Variants in ANKRD44 observed in about 807,000 individuals in gnomAD.
The protein encoded by ANKRD44 is ankyrin repeat domain 44, also known as serine/threonine-protein phosphatase 6 regulatory ankyrin repeat subunit B.
Under a neutral mutation model 116.0 loss-of-function variants are expected in ANKRD44, and 35 were observed. The observed-to-expected ratio is 0.30, with a 90% confidence interval of 0.23 to 0.40. The LOEUF (loss-of-function observed/expected upper bound fraction) is 0.40. Among genes scored for constraint, ANKRD44 ranks in the 10% least tolerant of loss-of-function variants. The probability of loss-of-function intolerance (pLI) is 1.00; values close to 1 mark genes in which losing one functional copy is unlikely to be tolerated. For missense variants in ANKRD44, 1,014 were observed against 1,242.6 expected (o/e 0.82, Z 2.77); for synonymous variants, 435 against 461.8 (o/e 0.94, Z 0.74).
intron 2 of ANKRD44, among the ~76,000 whole-genome samples, chr2:197,157,599 GC>G (rs1419261739): frequency 1.4e-5 from 2 of 142,052 alleles, no homozygotes; most frequent in Non-Finnish European, 3.0e-5. Context: ...AATTGCTTGA[GC>G]CCAAGAGGCA....
chr2:197,082,464 T>A (rs143026826), intron 14 of ANKRD44, among the ~76,000 whole-genome samples: 1 of 152,228 alleles, frequency 6.6e-6, no homozygotes, highest in South Asian at 2.1e-4. Context: ...TTTTATCTAA[T>A]GAAACAGAGA....
intron 21 of ANKRD44, among the ~76,000 whole-genome samples, chr2:196,980,867 T>A (rs1222048963): frequency 6.6e-6 from 1 of 152,090 alleles, no homozygotes; most frequent in Non-Finnish European, 1.5e-5. Flanking sequence ...TTAGTATCCA[T>A]CTACTTAAAG....
At chr2:197,143,386 T>C (rs2079419404) in intron 3 of ANKRD44, among the ~76,000 whole-genome samples, 1 of 124,116 alleles carries the variant, frequency 8.1e-6, no homozygotes, top group South Asian at 2.6e-4. Context: ...GAGTGTGATG[T>C]TCCCCTTCCT....
At chr2:197,271,931 C>T (rs1229220647) in intron 1 of ANKRD44, among the ~76,000 whole-genome samples, 8 of 152,040 alleles carry the variant, frequency 5.3e-5, no homozygotes, top group South Asian at 2.1e-4. Flanking sequence ...TAGAGGGCTG[C>T]TATTGCCTGA....
At chr2:197,270,355 T>C (rs910388717) in intron 1 of ANKRD44, among the ~76,000 whole-genome samples, 1 of 152,098 alleles carries the variant, frequency 6.6e-6, no homozygotes, top group Non-Finnish European at 1.5e-5. Flanking sequence ...ACTTGGCAAC[T>C]CATGAGATCT....
intron 16 of ANKRD44, among the ~76,000 whole-genome samples, chr2:197,049,353 C>T (rs2077062443): frequency 1.3e-5 from 2 of 152,074 alleles, no homozygotes; most frequent in African/African-American, 4.8e-5. Context: ...TAAAAATTTG[C>T]CATCTTCTAA....
At chr2:197,183,995 G>A (rs536948704) in intron 2 of ANKRD44, among the ~76,000 whole-genome samples, 4 of 152,170 alleles carry the variant, frequency 2.6e-5, no homozygotes, top group Admixed American at 2.0e-4. Context: ...GCATCACAGT[G>A]TAATTTCTCA....
chr2:197,088,821 C>A, intron 11 of ANKRD44, 47 bp from the exon 12 acceptor site: 1 of 1,591,994 alleles, frequency 6.3e-7, no homozygotes, highest in Non-Finnish European at 8.6e-7. Context: ...CTATGCTATA[C>A]TTTTGTCCTA....
chr2:197,147,138 G>A (rs2079525704), intron 2 of ANKRD44, 33 bp from the exon 3 acceptor site: 1 of 1,594,852 alleles, frequency 6.3e-7, no homozygotes, highest in Non-Finnish European at 8.6e-7. Flanking sequence ...CATACAACAG[G>A]TCAGTGGCAG....
chr2:197,020,477 A>G (rs2076475180), intron 17 of ANKRD44, among the ~76,000 whole-genome samples: 1 of 152,160 alleles, frequency 6.6e-6, no homozygotes, highest in South Asian at 2.1e-4. Context: ...CATAAAATAC[A>G]CTAACACTAA....
intron 25 of ANKRD44, among the ~76,000 whole-genome samples, chr2:196,997,443 A>G (rs1311671265): frequency 1.5e-5 from 2 of 129,706 alleles, no homozygotes; most frequent in Non-Finnish European, 3.1e-5. Context: ...ATAATTTTAT[A>G]TAATTTATCT....
chr2:197,166,818 A>G (rs1364558115), intron 2 of ANKRD44, among the ~76,000 whole-genome samples: 3 of 152,232 alleles, frequency 2.0e-5, no homozygotes, highest in Admixed American at 6.5e-5. Flanking sequence ...CCACTATTCT[A>G]TGCTGTATCC....
intron 2 of ANKRD44, among the ~76,000 whole-genome samples, chr2:197,182,279 T>C (rs763647530): frequency 2.8e-4 from 43 of 152,292 alleles, no homozygotes; most frequent in Admixed American, 2.2e-3. Flanking sequence ...CAGGCCCTGG[T>C]ATGCCATTAA....
intron 2 of ANKRD44, among the ~76,000 whole-genome samples, chr2:197,148,810 C>T (rs1227863201): frequency 2.0e-5 from 3 of 152,120 alleles, no homozygotes; most frequent in Admixed American, 6.5e-5. Flanking sequence ...CAGGCAATTA[C>T]TATGGAAAAG....
chr2:197,076,540 AG>A (rs1372745278), intron 16 of ANKRD44, among the ~76,000 whole-genome samples: 16 of 152,134 alleles, frequency 1.1e-4, no homozygotes, highest in African/African-American at 3.6e-4. Context: ...GTACATGTGC[AG>A]GTTTGCTATA....
At chr2:197,230,997 G>A (rs1244430969) in intron 1 of ANKRD44, among the ~76,000 whole-genome samples, 1 of 152,196 alleles carries the variant, frequency 6.6e-6, no homozygotes. Flanking sequence ...AATGGGCCCA[G>A]AAGAAAAGAA....
At chr2:197,115,955 G>A (rs950227150) in intron 8 of ANKRD44, among the ~76,000 whole-genome samples, 1 of 152,170 alleles carries the variant, frequency 6.6e-6, no homozygotes, top group African/African-American at 2.4e-5. Flanking sequence ...TATTTACACA[G>A]AGTCAATCAT....
chr2:197,074,139 C>T (rs545629434), intron 16 of ANKRD44, among the ~76,000 whole-genome samples: 65 of 152,316 alleles, frequency 4.3e-4, no homozygotes, highest in African/African-American at 1.5e-3. Flanking sequence ...CCACCCTCGC[C>T]CTTAATGAGA....
chr2:196,989,228 A>T lies in ANKRD44; in HGVS notation c.*363T>A, dbSNP rs1336865213. On this transcript the variant is annotated 3_prime_UTR_variant, in exon 28 of 28. Transcript: ENST00000282272. ...CTCACCATTTGTTTCATTTCAAATA[A>T]ATATAAACACATTTACAGCAAAAGT... 1.0e-6 allele frequency: 1 copy of T among 984,916 alleles called. No homozygotes were observed. Among genetic ancestry groups the T allele is most frequent in the Non-Finnish European group, 1.2e-6 (1 of 829,404 alleles). The allele number at this position is 984,916 out of a possible 1,614,324, so 61.0% of individuals were successfully genotyped here. A position where few individuals can be genotyped will look rare whatever the true frequency, so the allele number is the denominator to read the frequency against.
Sources: gnomAD v4.1 joint callset for allele counts (sites outside exome capture counted in the v4.1 genomes callset) on GRCh38, gnomAD v4.1.1 for gene constraint, MANE v1.5 for transcripts, NCBI Gene and HGNC (gene_info 2026-07-23, HGNC 2026-07-21) for gene names.